TNKS2: variants seen among roughly 807,000 people sequenced by gnomAD.
TNKS2 encodes tankyrase 2, also known as poly [ADP-ribose] polymerase tankyrase-2.
Under a neutral mutation model 137.6 loss-of-function variants are expected in TNKS2, and 72 were observed. The observed-to-expected ratio is 0.52, with a 90% CI of 0.43 to 0.64. TNKS2 has a LOEUF of 0.64. Among genes scored for constraint, TNKS2 ranks in the 30% least tolerant of loss-of-function variants. The pLI, the probability that TNKS2 is intolerant of heterozygous loss-of-function variation, is 0.00. For missense variants in TNKS2, 1,049 were observed against 1,410.2 expected (o/e 0.74, Z 4.10); for synonymous variants, 516 against 512.1 (o/e 1.01, Z -0.10).
chr10:91,798,880 T>C lies in TNKS2; in HGVS notation c.190T>C (p.Phe64Leu). 1 of 1,375,630 alleles carries C rather than the reference T, an allele frequency of 7.3e-7. No homozygotes were observed. The highest frequency in any genetic ancestry group is 9.5e-7 in the Non-Finnish European group (1 of 1,055,952). 85.2% of individuals were successfully genotyped at this position (1,375,630 alleles called of 1,614,324 possible). The change falls in exon 1 of 27, where the codon TTC becomes CTC. Residue 64 changes from phenylalanine to leucine, a missense_variant. By Grantham distance (22) the Phe-to-Leu change is conservative. This residue lies in a region of TNKS2 where 374 missense variants were observed against 460.8 expected (regional missense o/e 0.81). Transcript: ENST00000371627. ...TAGRKSTPLH[F>L]AAGFGRKDVV... is the part of the protein sequence containing the mutation. ...GGGCAGGAAATCCACCCCGCTGCACTTCGCCGCAGGTAACCGGGGCCAGCG... is the reference window on the plus strand; with the variant it reads ...GGGCAGGAAATCCACCCCGCTGCACCTCGCCGCAGGTAACCGGGGCCAGCG...
intron 1 of TNKS2, among the ~76,000 whole-genome samples, chr10:91,804,963 C>T (rs1224033590): frequency 6.6e-6 from 1 of 152,112 alleles, no homozygotes; most frequent in African/African-American, 2.4e-5. Flanking sequence ...AGGGTTTCAC[C>T]ATGTTGGCTA....
chr10:91,823,744 A>G (rs991569711), intron 7 of TNKS2, among the ~76,000 whole-genome samples: 1 of 151,544 alleles, frequency 6.6e-6, no homozygotes, highest in East Asian at 1.9e-4. Flanking sequence ...CACCCATTCT[A>G]CTCCTTCAGC....
chr10:91,850,782 A>C (rs766608987), intron 20 of TNKS2, among the ~76,000 whole-genome samples: 30 of 152,242 alleles, frequency 2.0e-4, no homozygotes, highest in Non-Finnish European at 4.0e-4. Flanking sequence ...TCATCAGGGA[A>C]TGCTTCATGG....
intron 21 of TNKS2, 44 bp downstream of exon 21, chr10:91,851,380 A>C (rs1256395577): frequency 6.3e-7 from 1 of 1,596,668 alleles, no homozygotes; most frequent in Non-Finnish European, 8.5e-7. Flanking sequence ...AACAGTTTGC[A>C]TAAAGGCAAC....
chr10:91,837,461 C>T (rs149787682), intron 13 of TNKS2, among the ~76,000 whole-genome samples: 1 of 152,360 alleles, frequency 6.6e-6, no homozygotes, highest in East Asian at 1.9e-4. Context: ...AATGTTGCCA[C>T]TTCTCTTTCC....
chr10:91,827,110 T>G lies in TNKS2; in HGVS notation c.889T>G (p.Leu297Val). The change falls in exon 8 of 27, where the codon TTA (leucine) becomes GTA (valine). Residue 297 changes from leucine (L) to valine (V), a missense_variant. By Grantham distance (32) the Leu-to-Val change is conservative (BLOSUM62 1). Transcript: ENST00000371627. Reference protein sequence around the residue: ...KNRVEVCSLLLSYGADPTLLN... With the variant: ...KNRVEVCSLLVSYGADPTLLN... Reference sequence around the variant, plus strand: ...CAGGGTTGAAGTATGTTCTCTTCTCTTAAGTTATGGTGCAGACCCAACACT... The same window carrying G: ...CAGGGTTGAAGTATGTTCTCTTCTCGTAAGTTATGGTGCAGACCCAACACT... 6.2e-7 allele frequency: 1 copy of G among 1,612,420 alleles called. No individual in the cohort carries two copies. The highest frequency in any genetic ancestry group is 2.2e-5 in the East Asian group (1 of 44,816).
In TNKS2 at chr10:91,864,620, G is replaced by A. The variant is rs1425731492; in HGVS notation, c.*1621G>A. ...GTTAATCAGAGTAAATGCATTTCTG[G>A]AGTTGTTTCTGTGATGTAAATTATG... On this transcript the variant is annotated 3_prime_UTR_variant, in exon 27 of 27. Transcript: ENST00000371627. 2 of 152,680 alleles carry A rather than the reference G, an allele frequency of 1.3e-5. No homozygotes were observed. Among genetic ancestry groups the A allele is most frequent in the East Asian group, 3.9e-4 (2 of 5,184 alleles). 9.5% of individuals were successfully genotyped at this position (152,680 alleles called of 1,614,324 possible).
intron 1 of TNKS2, among the ~76,000 whole-genome samples, chr10:91,805,901 A>C (rs1007526244): frequency 1.3e-5 from 2 of 152,210 alleles, no homozygotes; most frequent in Non-Finnish European, 2.9e-5. Flanking sequence ...AACTGTAGAT[A>C]ACCTACTTGG....
chr10:91,853,280 G>A (rs1206050436), intron 21 of TNKS2, among the ~76,000 whole-genome samples: 2 of 152,150 alleles, frequency 1.3e-5, no homozygotes, highest in East Asian at 3.9e-4. Flanking sequence ...GCCACCTCTG[G>A]TCCTGTAGTC....
At chr10:91,808,688 A>C (rs182246717) in intron 1 of TNKS2, among the ~76,000 whole-genome samples, 1 of 152,172 alleles carries the variant, frequency 6.6e-6, no homozygotes, top group East Asian at 1.9e-4. Context: ...ATGTTAAGCA[A>C]ACATTCTGGA....
intron 6 of TNKS2, among the ~76,000 whole-genome samples, chr10:91,821,535 G>A (rs1844892525): frequency 6.6e-6 from 1 of 152,078 alleles, no homozygotes; most frequent in Non-Finnish European, 1.5e-5. Flanking sequence ...GCATGATGGT[G>A]GCTATGGCAG....
chr10:91,854,302 T>C (rs950146586), intron 21 of TNKS2, among the ~76,000 whole-genome samples: 8 of 152,160 alleles, frequency 5.3e-5, no homozygotes, highest in African/African-American at 9.7e-5. Context: ...TCATTAAGAA[T>C]AGGAGATAAG....
At position 91,830,914 on chromosome 10, in the gene TNKS2, A is replaced by ATTTAATGCTGCAAT; in HGVS notation, c.1105-7_1105-6insTAATGCTGCAATTT. Reference sequence around the variant, plus strand: ...GTCCTTGATTAATGCTGCAATTTAAATTATTTAGCATTGTGCTGCTGCATC... The same window carrying ATTTAATGCTGCAAT: ...GTCCTTGATTAATGCTGCAATTTAAATTTAATGCTGCAATTTATTTAGCATTGTGCTGCTGCATC... On this transcript the variant is annotated splice_polypyrimidine_tract_variant and intron_variant, in intron 9 of 26. Transcript: ENST00000371627. 1 of 1,596,420 alleles carries ATTTAATGCTGCAAT rather than the reference A, an allele frequency of 6.3e-7. No homozygotes were observed. The highest frequency in any genetic ancestry group is 8.5e-7 in the Non-Finnish European group (1 of 1,170,744).
At chr10:91,852,968 A>T (rs578107674) in intron 21 of TNKS2, among the ~76,000 whole-genome samples, 1 of 152,202 alleles carries the variant, frequency 6.6e-6, no homozygotes, top group Non-Finnish European at 1.5e-5. Flanking sequence ...AAGAGGAGGG[A>T]AAGTCCATGA....
chr10:91,851,522 G>A (rs941093318), intron 21 of TNKS2, among the ~76,000 whole-genome samples, 186 bp downstream of exon 21: 1 of 152,200 alleles, frequency 6.6e-6, no homozygotes, highest in Non-Finnish European at 1.5e-5. Context: ...AGCTGCTGCT[G>A]TTAACGATGT....
At chr10:91,816,033 C>A (rs1430863769) in intron 2 of TNKS2, among the ~76,000 whole-genome samples, 1 of 149,340 alleles carries the variant, frequency 6.7e-6, no homozygotes, top group Non-Finnish European at 1.5e-5. Context: ...ACTGCAAGCT[C>A]CGCCTCCCGG....
At chr10:91,858,970 C>T (rs1297114875) in intron 24 of TNKS2, among the ~76,000 whole-genome samples, 1 of 151,984 alleles carries the variant, frequency 6.6e-6, no homozygotes, top group Non-Finnish European at 1.5e-5. Context: ...GATCATGCCA[C>T]TGCACTCCAG....
At chr10:91,812,647 A>G (rs1171719600) in intron 1 of TNKS2, 2 of 370,340 alleles carry the variant, frequency 5.4e-6, no homozygotes, top group Non-Finnish European at 7.5e-6. Flanking sequence ...CTGAAAATGT[A>G]TACATACTAA....
In TNKS2 at chr10:91,865,186, G is replaced by T. The variant is rs1305836530; in HGVS notation, c.*2187G>T. ...AAGTGAAATTTAACTTTTTGTGCAA[G>T]TAGTACTATTATACCCATCTTCAGT... On this transcript the variant is annotated 3_prime_UTR_variant, in exon 27 of 27. Coordinates refer to ENST00000371627, the MANE Select transcript of TNKS2 (RefSeq NM_025235.4). 3.3e-5 allele frequency: 5 copies of T among 152,204 alleles called. No individual in the cohort carries two copies. Among genetic ancestry groups the T allele is most frequent in the African/African-American group, 4.8e-5 (2 of 41,298 alleles). 9.4% of individuals were successfully genotyped at this position (152,204 alleles called of 1,614,324 possible).
Sources: allele counts gnomAD v4.1 joint callset (sites outside exome capture counted in the v4.1 genomes callset), GRCh38; gene constraint gnomAD v4.1.1; regional missense constraint gnomAD v4.1.1; transcripts MANE v1.5; gene names NCBI Gene and HGNC (gene_info 2026-07-23, HGNC 2026-07-21).